The following STK10 variants were observed in gnomAD, a reference collection of about 807,000 sequenced individuals.
STK10 encodes serine/threonine-protein kinase 10.
STK10 carries 78 observed loss-of-function variants against 113.8 expected under a neutral mutation model. The ratio of observed to expected loss-of-function variants is 0.69; its 90% CI spans 0.57 to 0.83. The LOEUF (loss-of-function observed/expected upper bound fraction) is 0.83, where lower values mean the gene tolerates loss of function less well. Ranked by LOEUF, STK10 falls within the 40% of genes least tolerant of loss-of-function variation. STK10 has a pLI of 0.00. For synonymous variants in STK10, 465 were observed against 494.7 expected, an observed-to-expected ratio of 0.94 and a Z score of 0.80; for missense variants, 1,109 against 1,280.1, an observed-to-expected ratio of 0.87 and a Z score of 2.04.
At position 172,055,739 on chromosome 5, in the gene STK10, A is replaced by G. The variant is rs373941220; in HGVS notation, c.2375T>C (p.Ile792Thr). The change falls in exon 16 of 19, where the codon ATA becomes ACA. Residue 792 changes from isoleucine to threonine, a missense_variant. Transcript: ENST00000176763. ...TTGCTGCCGCACCTTCAGCTGCTCT[A>G]TCATGCGCTGGTTGTAGCGCTGCAT... ...EQMQRYNQRM[I>T]EQLKVRQQQE... The G allele has an allele frequency of 1.3e-6, 2 of 1,561,572 alleles. No individual in the cohort carries two copies. Among genetic ancestry groups the G allele is most frequent in the Non-Finnish European group, 1.7e-6 (2 of 1,149,234 alleles).
chr5:172,056,813 G>A (rs1266028920), intron 15 of STK10, among the ~76,000 whole-genome samples: 1 of 151,480 alleles, frequency 6.6e-6, no homozygotes, highest in Non-Finnish European at 1.5e-5. Context: ...GGTGGAGGTT[G>A]CAGTGAGCCT....
At chr5:172,103,549 A>G (rs1471304755) in intron 7 of STK10, among the ~76,000 whole-genome samples, 1 of 152,096 alleles carries the variant, frequency 6.6e-6, no homozygotes, top group Non-Finnish European at 1.5e-5. Flanking sequence ...ATTGGCCCCA[A>G]GCGGCTTGGA....
chr5:172,129,472 C>T (rs998525963), intron 2 of STK10, among the ~76,000 whole-genome samples: 2 of 152,174 alleles, frequency 1.3e-5, no homozygotes, highest in African/African-American at 4.8e-5. Flanking sequence ...TGACCTGTCA[C>T]CCTTGAATAA....
At position 172,042,174 on chromosome 5, in the gene STK10, A is replaced by G. The variant is rs1053490405; in HGVS notation, c.*2708T>C. The G allele has an allele frequency of 2.0e-5, 3 of 152,688 alleles. No individual in the cohort carries two copies. Among genetic ancestry groups the G allele is most frequent in the Non-Finnish European group, 4.4e-5 (3 of 68,052 alleles). The allele number at this position is 152,688 out of a possible 1,614,324, so 9.5% of individuals were successfully genotyped here. On this transcript the variant is annotated 3_prime_UTR_variant, in exon 19 of 19. Coordinates refer to ENST00000176763, the MANE Select transcript of STK10 (RefSeq NM_005990.4). ...ATTTTGTATAAAGTCTGGAAACTAC[A>G]TAAAAATAATTTCTATCTTTCATAA... is the stretch of plus-strand genomic sequence containing the variant.
At chr5:172,155,027 G>C (rs1353258805) in intron 2 of STK10, among the ~76,000 whole-genome samples, 1 of 136,174 alleles carries the variant, frequency 7.3e-6, no homozygotes, top group Non-Finnish European at 1.5e-5. Flanking sequence ...AAACATAATA[G>C]CTATTTTTCT....
intron 3 of STK10, among the ~76,000 whole-genome samples, chr5:172,124,693 C>G (rs1293738003): frequency 3.9e-5 from 6 of 152,056 alleles, no homozygotes; most frequent in African/African-American, 1.4e-4. Context: ...ACCATAATCC[C>G]AAATATTGAA....
intron 1 of STK10, among the ~76,000 whole-genome samples, chr5:172,161,089 C>T (rs1277035003): frequency 6.6e-6 from 1 of 152,180 alleles, no homozygotes; most frequent in East Asian, 1.9e-4. Context: ...AGTGACGAGA[C>T]AGCATGCTTA....
intron 12 of STK10, among the ~76,000 whole-genome samples, chr5:172,068,063 G>A (rs944902442): frequency 2.0e-5 from 3 of 152,194 alleles, no homozygotes; most frequent in African/African-American, 4.8e-5. Flanking sequence ...AAGAAGGGCC[G>A]GGCGCGGTGG....
intron 1 of STK10, among the ~76,000 whole-genome samples, chr5:172,178,359 T>C (rs1282378964): frequency 6.6e-6 from 1 of 152,104 alleles, no homozygotes. Flanking sequence ...CTGGACTTCC[T>C]TCCCTCCACC....
At chr5:172,109,411 C>T (rs759312151) in intron 4 of STK10, among the ~76,000 whole-genome samples, 1 of 151,952 alleles carries the variant, frequency 6.6e-6, no homozygotes, top group Non-Finnish European at 1.5e-5. Context: ...CAGCCTCAAC[C>T]TCCCAGGCTC....
chr5:172,079,540 T>TATAC (rs1768384220), intron 12 of STK10, among the ~76,000 whole-genome samples: 1 of 149,648 alleles, frequency 6.7e-6, no homozygotes, highest in Non-Finnish European at 1.5e-5. Flanking sequence ...TAATAGAATA[T>TATAC]ATACATATAT....
Position 172,048,730 on chromosome 5 carries a change from G to A in STK10, c.2767-3708C>T, listed in dbSNP as rs1004984462. 7.9e-5 allele frequency among the ~76,000 whole-genome samples: 12 copies of A among 152,230 alleles called. No homozygotes were observed. In the South Asian group the frequency reaches 1.5e-3, roughly 18 times the overall value. On this transcript the variant is annotated intron_variant, in intron 18 of 18. Coordinates refer to ENST00000176763, the MANE Select transcript of STK10 (RefSeq NM_005990.4). ...CTCTTGACCCCTGAGGGCAGCCAGC[G>A]GGATCCTTTTCAAAACATGAGTCAG...
At position 172,087,773 on chromosome 5, in the gene STK10, C is replaced by T. The variant is rs1178619665; in HGVS notation, c.1685+2459G>A. On this transcript the variant is annotated intron_variant, in intron 10 of 18. Coordinates refer to ENST00000176763, the MANE Select transcript of STK10 (RefSeq NM_005990.4). ...CCTCCCGAGTAGCTGGGACTACAGG[C>T]GCCCGCCACCGCGCCCGGCTAATTT... is the stretch of plus-strand genomic sequence containing the variant. Among the ~76,000 whole-genome samples, 10 of 130,314 alleles carry T rather than the reference C, an allele frequency of 7.7e-5. 1 individual carries two copies. The South Asian group carries it at 1.4e-3, about 19-fold the overall frequency. 85.5% of individuals were successfully genotyped at this position (130,314 alleles called of 152,430 possible). A position where few individuals can be genotyped will look rare whatever the true frequency, so the allele number is the denominator to read the frequency against.
At position 172,057,343 on chromosome 5, in the gene STK10, C is replaced by A. The variant is rs1257766076; in HGVS notation, c.2337+6G>T. 2 of 1,580,068 alleles carry A rather than the reference C, an allele frequency of 1.3e-6. No individual in the cohort carries two copies. The highest frequency in any genetic ancestry group is 1.7e-6 in the Non-Finnish European group (2 of 1,163,946). On this transcript the variant is annotated splice_donor_region_variant and intron_variant, in intron 15 of 18. Transcript: ENST00000176763. ...GATCCGAGCCCCGTGCCACCGGCAG[C>A]CTCACCTTCTCATGCTTGCGCAGCA... is the stretch of plus-strand genomic sequence containing the variant.
At chr5:172,090,935 TAAAAAAAAAAA>T (rs547251159) in intron 9 of STK10, among the ~76,000 whole-genome samples, 8 of 46,098 alleles carry the variant, frequency 1.7e-4, no homozygotes, top group African/African-American at 3.9e-4. Context: ...ACTCCGTCTC[TAAAAAAAAAAA>T]AAAAAAAAAA....
intron 14 of STK10, among the ~76,000 whole-genome samples, chr5:172,060,460 CA>C (rs1767907699): frequency 6.6e-6 from 1 of 151,992 alleles, no homozygotes; most frequent in Non-Finnish European, 1.5e-5. Context: ...CACAAAACCC[CA>C]AAAACCCAGA....
rs1157385794 is a variant in STK10 at position 172,093,695 on chromosome 5, A to G, written c.1271T>C (p.Val424Ala). The change falls in exon 9 of 19, where the codon GTA (valine) becomes GCA (alanine). Residue 424 changes from valine (V) to alanine (A), a missense_variant. Transcript: ENST00000176763. The surrounding 1 kb of genome is among the most constrained non-coding windows in gnomAD (Gnocchi z 4.1). ...CTCAGCAACTTGCTTCTCCTGGGCT[A>G]CCTGAATTCTGGCATCCATTGACAC... ...RPVSMDARIQ[V>A]AQEKQVAEQG... 3 of 1,614,084 alleles carry G rather than the reference A, an allele frequency of 1.9e-6. No homozygotes were observed. Among genetic ancestry groups the G allele is most frequent in the Non-Finnish European group, 2.5e-6 (3 of 1,180,026 alleles).
At chr5:172,099,911 G>A (rs1768944261) in intron 7 of STK10, among the ~76,000 whole-genome samples, 1 of 152,230 alleles carries the variant, frequency 6.6e-6, no homozygotes, top group Non-Finnish European at 1.5e-5. Context: ...TCTTGAGGCA[G>A]AATCATCTGC....
At chr5:172,078,798 A>G (rs542800365) in intron 12 of STK10, among the ~76,000 whole-genome samples, 19 of 152,136 alleles carry the variant, frequency 1.2e-4, no homozygotes, top group Non-Finnish European at 1.3e-4. Context: ...GGCAGGCTCG[A>G]GAGCCTTCCT....
Sources: gnomAD v4.1 joint callset for allele counts (sites outside exome capture counted in the v4.1 genomes callset) on GRCh38, gnomAD v4.1.1 for gene constraint, Gnocchi (gnomAD v3.1) non-coding constraint, MANE v1.5 for transcripts, NCBI Gene and HGNC (gene_info 2026-07-23, HGNC 2026-07-21) for gene names.